The following PRR11 variants were observed in gnomAD, a reference collection of about 807,000 sequenced individuals.
The protein encoded by PRR11 is proline-rich protein 11.
PRR11 carries 30 observed loss-of-function variants against 45.6 expected under a neutral mutation model. The ratio of observed to expected loss-of-function variants is 0.66; its 90% CI spans 0.49 to 0.89. The LOEUF (loss-of-function observed/expected upper bound fraction) is 0.89. Ranked by LOEUF, PRR11 falls within the 40% of genes least tolerant of loss-of-function variation. The pLI is 0.00. For synonymous variants in PRR11, 128 were observed against 153.5 expected (o/e 0.83, Z 1.23); for missense variants, 373 against 424.8 (o/e 0.88, Z 1.07).
chr17:59,178,267 T>C (rs1418655023), intron 2 of PRR11, among the ~76,000 whole-genome samples: 1 of 151,988 alleles, frequency 6.6e-6, no homozygotes, highest in Non-Finnish European at 1.5e-5. Flanking sequence ...CCAGGAGGCT[T>C]CAGCTGCAGT....
chr17:59,167,257 G>C (rs2046684619), intron 1 of PRR11, among the ~76,000 whole-genome samples: 1 of 152,152 alleles, frequency 6.6e-6, no homozygotes, highest in South Asian at 2.1e-4. Flanking sequence ...GAATAGGTCA[G>C]GGTAGTTAGT....
intron 4 of PRR11, among the ~76,000 whole-genome samples, chr17:59,187,789 C>T (rs1449482090): frequency 2.0e-5 from 3 of 150,914 alleles, no homozygotes; most frequent in Non-Finnish European, 4.4e-5. Flanking sequence ...CACTTGAACC[C>T]GGGAGGCGGA....
chr17:59,203,162 C>T lies in PRR11; in HGVS notation c.*1531C>T, dbSNP rs576570301. On this transcript the variant is annotated 3_prime_UTR_variant, in exon 10 of 10. Coordinates refer to ENST00000262293, the MANE Select transcript of PRR11 (RefSeq NM_018304.4). ...CAGACCTGGGGACAGTGTTTACCAC[C>T]TAAGAGGCAGTCCTGTTTTTGAGAC... Among the ~76,000 whole-genome samples, 17 of 152,256 alleles carry T rather than the reference C, an allele frequency of 1.1e-4. No individual in the cohort carries two copies. In the South Asian group the frequency reaches 3.1e-3, roughly 28 times the overall value.
intron 1 of PRR11, among the ~76,000 whole-genome samples, chr17:59,161,382 GGCCA>G (rs2046651679): frequency 6.7e-6 from 1 of 148,448 alleles, no homozygotes. Context: ...ACTCCAGCCT[GGCCA>G]GGCAACAGAG....
intron 2 of PRR11, among the ~76,000 whole-genome samples, chr17:59,172,477 T>G (rs2046714649): frequency 6.6e-6 from 1 of 152,218 alleles, no homozygotes; most frequent in Non-Finnish European, 1.5e-5. Context: ...CTTTCTGGGC[T>G]GGCCAAGGCC....
intron 1 of PRR11, among the ~76,000 whole-genome samples, chr17:59,165,014 TG>T (rs1207634892): frequency 3.9e-5 from 6 of 152,164 alleles, no homozygotes; most frequent in Non-Finnish European, 7.4e-5. Context: ...GTTTTTGTTT[TG>T]TTTTTTTGTT....
chr17:59,175,178 C>T (rs2046737202), intron 2 of PRR11: 2 of 498,918 alleles, frequency 4.0e-6, no homozygotes, highest in South Asian at 3.6e-5. Flanking sequence ...GGAGAGACCT[C>T]TGGCTGAGGT....
At chr17:59,178,549 A>C (rs1599698732) in intron 2 of PRR11, 2 of 526,568 alleles carry the variant, frequency 3.8e-6, no homozygotes, top group South Asian at 2.8e-5. Flanking sequence ...TAGAGAGTAG[A>C]TGTCAGCTTG....
intron 2 of PRR11, among the ~76,000 whole-genome samples, chr17:59,179,168 T>C (rs143016153): frequency 0.016 from 2,419 of 152,062 alleles, 71 homozygotes; most frequent in African/African-American, 0.055. Flanking sequence ...CCTGGCTAAT[T>C]TTTGTATTTT....
chr17:59,158,546 T>C (rs943244329), intron 1 of PRR11, among the ~76,000 whole-genome samples: 1 of 152,242 alleles, frequency 6.6e-6, no homozygotes, highest in Non-Finnish European at 1.5e-5. Flanking sequence ...AAAAAATTTA[T>C]GTATGTATAT....
chr17:59,192,729 A>G (rs2046845262), intron 4 of PRR11, among the ~76,000 whole-genome samples: 2 of 152,080 alleles, frequency 1.3e-5, no homozygotes, highest in African/African-American at 4.8e-5. Flanking sequence ...TAACGGCCTC[A>G]TTTTAACTTA....
At position 59,171,941 on chromosome 17, in the gene PRR11, A is replaced by T. The variant is rs147190967; in HGVS notation, c.128+2061A>T. Reference sequence around the variant, plus strand: ...AAAAAGGATTCTCTGTTGAAATGAAAATTATCTTTATATATATATATACAT... The same window carrying T: ...AAAAAGGATTCTCTGTTGAAATGAATATTATCTTTATATATATATATACAT... On this transcript the variant is annotated intron_variant, in intron 2 of 9. Coordinates refer to ENST00000262293, the MANE Select transcript of PRR11 (RefSeq NM_018304.4). Among the ~76,000 whole-genome samples, 864 of 152,236 alleles carry T rather than the reference A, an allele frequency of 5.7e-3. 4 individuals carry two copies. The highest frequency in any genetic ancestry group is 8.9e-3 in the Non-Finnish European group (608 of 68,022).
At chr17:59,179,638 T>C in intron 2 of PRR11, 1 of 1,512,124 alleles carries the variant, frequency 6.6e-7, no homozygotes, top group South Asian at 1.1e-5. Flanking sequence ...CTCTCTGGGG[T>C]GTCCTCCTAC....
At position 59,193,489 on chromosome 17, in the gene PRR11, C is replaced by T; in HGVS notation, c.403-3C>T. The stretch of plus-strand genomic sequence containing the variant: ...ATTTGCCAAATGTGATGTCTTCTTC[C>T]AGACCATCTCAGAAAGTTCTTCCTG... On this transcript the variant is annotated splice_region_variant and splice_polypyrimidine_tract_variant and intron_variant, in intron 4 of 9. Coordinates refer to ENST00000262293, the MANE Select transcript of PRR11 (RefSeq NM_018304.4). 6.2e-7 allele frequency: 1 copy of T among 1,614,084 alleles called. No homozygotes were observed. Among genetic ancestry groups the T allele is most frequent in the Non-Finnish European group, 8.5e-7 (1 of 1,179,960 alleles).
intron 4 of PRR11, among the ~76,000 whole-genome samples, chr17:59,189,255 G>A (rs894571616): frequency 1.2e-4 from 18 of 151,606 alleles, no homozygotes; most frequent in African/African-American, 3.9e-4. Context: ...AGTTGTGATC[G>A]TGCCACTGCA....
Position 59,169,826 on chromosome 17 carries a change from C to G in PRR11, c.74C>G (p.Ser25Cys). The change falls in exon 2 of 10, where the codon TCT becomes TGT. Residue 25 changes from serine (S) to cysteine (C), a missense_variant. Ser to Cys is a moderately radical substitution (Grantham distance 112, BLOSUM62 -1). Transcript: ENST00000262293. ...AERLFKKKEA[S>C]HFQSKLITPP... ...AGATTATTCAAAAAAAAAGAAGCCT[C>G]TCACTTTCAGTCCAAGCTAATTACA... The G allele has an allele frequency of 6.2e-7, 1 of 1,612,402 alleles. No individual in the cohort carries two copies. The highest frequency in any genetic ancestry group is 1.1e-5 in the South Asian group (1 of 90,532).
At chr17:59,201,131 A>G (rs2046890614) in intron 9 of PRR11, among the ~76,000 whole-genome samples, 1 of 150,154 alleles carries the variant, frequency 6.7e-6, no homozygotes, top group African/African-American at 2.5e-5. Flanking sequence ...CCCAAAGTCC[A>G]CTGTATCATT....
In PRR11 at chr17:59,188,999, G is replaced by A. The variant is rs973162045; in HGVS notation, c.402+3437G>A. Among the ~76,000 whole-genome samples the A allele has an allele frequency of 2.7e-5, 4 of 149,844 alleles. No homozygotes were observed. In the East Asian group the frequency reaches 5.9e-4, roughly 22 times the overall value. On this transcript the variant is annotated intron_variant, in intron 4 of 9. Coordinates refer to ENST00000262293, the MANE Select transcript of PRR11 (RefSeq NM_018304.4). ...ATACATTATTAAATTAAGTGTAAAG[G>A]TATATTCAGAACAGTGTTTATAGGA...
chr17:59,192,924 A>G (rs1004117709), intron 4 of PRR11, among the ~76,000 whole-genome samples: 1 of 152,152 alleles, frequency 6.6e-6, no homozygotes, highest in Non-Finnish European at 1.5e-5. Flanking sequence ...TTCCTCTGCA[A>G]GGAACTCTTC....
Sources: gnomAD v4.1 joint callset for allele counts (sites outside exome capture counted in the v4.1 genomes callset) on GRCh38, gnomAD v4.1.1 for gene constraint, MANE v1.5 for transcripts, NCBI Gene and HGNC (gene_info 2026-07-23, HGNC 2026-07-21) for gene names.